The following SEMA3D variants were observed in gnomAD, a reference collection of about 807,000 sequenced individuals.
SEMA3D encodes semaphorin 3D.
In SEMA3D, 84 loss-of-function variants were observed where a neutral mutation model predicts 100.1. That is an observed-to-expected ratio of 0.84 (90% CI 0.70 to 1.01). The LOEUF (loss-of-function observed/expected upper bound fraction) is 1.01, where lower values mean the gene tolerates loss of function less well. SEMA3D is among the 50% of genes least tolerant of loss of function. The pLI, the probability that SEMA3D is intolerant of heterozygous loss-of-function variation, is 0.00. For synonymous variants in SEMA3D, 312 were observed against 320.7 expected (o/e 0.97, Z 0.29); for missense variants, 875 against 934.1 (o/e 0.94, Z 0.82).
chr7:85,195,122 G>A, the SEMA3D span, among the ~76,000 whole-genome samples: 55 of 152,204 alleles, frequency 3.6e-4, no homozygotes, highest in East Asian at 6.4e-3. Flanking sequence ...TGAATACAAA[G>A]CCGCCTGCTA....
intron 8 of SEMA3D, among the ~76,000 whole-genome samples, chr7:85,057,311 A>C (rs1448622854): frequency 6.6e-6 from 1 of 152,176 alleles, no homozygotes; most frequent in Non-Finnish European, 1.5e-5. Context: ...ACCAGTTCAG[A>C]AATAATTGGA....
chr7:85,042,128 G>A lies in SEMA3D; in HGVS notation c.976+43C>T, dbSNP rs375698372. ...AAATAAATGCCAAGTTACTTAATTA[G>A]GCAGTAAGGCCTTTCCAAGAAAGAA... On this transcript the variant is annotated intron_variant, in intron 10 of 18. Transcript: ENST00000284136. The A allele has an allele frequency of 5.0e-5, 64 of 1,284,360 alleles. No individual in the cohort carries two copies. The African/African-American group carries it at 8.2e-4, about 16-fold the overall frequency. The allele number at this position is 1,284,360 out of a possible 1,614,324, so 79.6% of individuals were successfully genotyped here. A position where few individuals can be genotyped will look rare whatever the true frequency, so the allele number is the denominator to read the frequency against.
intron 2 of SEMA3D, chr7:85,141,521 A>G: frequency 2.0e-6 from 2 of 984,980 alleles, no homozygotes; most frequent in Non-Finnish European, 2.4e-6. Context: ...ACTGCCCTAC[A>G]TGAATGACCA....
At chr7:85,225,693 G>C in the SEMA3D span, among the ~76,000 whole-genome samples, 1 of 152,044 alleles carries the variant, frequency 6.6e-6, no homozygotes, top group East Asian at 1.9e-4. Context: ...ACGCCCACTG[G>C]GGCTTTAGCT....
the SEMA3D span, among the ~76,000 whole-genome samples, chr7:85,194,710 G>A: frequency 1.3e-5 from 2 of 152,118 alleles, no homozygotes; most frequent in African/African-American, 2.4e-5. Flanking sequence ...CTAACACAGA[G>A]CAGGTAGCTT....
rs116021180 is a variant in SEMA3D at position 85,105,383 on chromosome 7, T to G, written c.152-7418A>C. Among the ~76,000 whole-genome samples the G allele has an allele frequency of 3.7e-3, 567 of 152,134 alleles. 4 individuals are homozygous for G. Among genetic ancestry groups the G allele is most frequent in the African/African-American group, 0.013 (556 of 41,530 alleles). ...TTGGGAAAATTAGCTCATCTTAACT[T>G]GGCATCAGCTGACCTCCAATATGCT... On this transcript the variant is annotated intron_variant, in intron 3 of 18. Transcript: ENST00000284136.
At chr7:85,207,582 G>A in the SEMA3D span, among the ~76,000 whole-genome samples, 1 of 151,914 alleles carries the variant, frequency 6.6e-6, no homozygotes, top group African/African-American at 2.4e-5. Flanking sequence ...GTTAAGACCT[G>A]GGTGAAAATT....
At chr7:85,029,966 C>A (rs1790500024) in intron 12 of SEMA3D, among the ~76,000 whole-genome samples, 1 of 151,854 alleles carries the variant, frequency 6.6e-6, no homozygotes, top group South Asian at 2.1e-4. Context: ...AAACTAACCA[C>A]AACCTCCACC....
At chr7:85,050,700 T>C (rs1224278317) in intron 9 of SEMA3D, 2 of 501,330 alleles carry the variant, frequency 4.0e-6, no homozygotes, top group Non-Finnish European at 7.1e-6. Context: ...CAGCTCCAAA[T>C]TACTTTGACT....
chr7:85,062,748 T>G (rs1449616653), intron 8 of SEMA3D, among the ~76,000 whole-genome samples: 1 of 152,200 alleles, frequency 6.6e-6, no homozygotes, highest in Non-Finnish European at 1.5e-5. Context: ...CTTTTTTCTT[T>G]TAATCTAGAA....
chr7:85,088,950 A>T (rs973020986), intron 4 of SEMA3D, among the ~76,000 whole-genome samples: 1 of 152,126 alleles, frequency 6.6e-6, no homozygotes, highest in Non-Finnish European at 1.5e-5. Context: ...TCCACGAATC[A>T]TCTCTGTCTT....
At chr7:85,127,747 A>G (rs933198077) in intron 2 of SEMA3D, among the ~76,000 whole-genome samples, 1 of 152,154 alleles carries the variant, frequency 6.6e-6, no homozygotes, top group African/African-American at 2.4e-5. Flanking sequence ...ATCAATTTGA[A>G]GGGTCAGAGA....
intron 3 of SEMA3D, among the ~76,000 whole-genome samples, chr7:85,117,808 GTATC>G (rs1333801653): frequency 0.039 from 4,660 of 120,566 alleles, 225 homozygotes; most frequent in African/African-American, 0.14. Context: ...ATGTATGTAT[GTATC>G]TATCTACCAT....
rs755329519 is a variant in SEMA3D at position 85,081,561 on chromosome 7, T to C, written c.331A>G (p.Lys111Glu). 1 of 1,612,018 alleles carries C rather than the reference T, an allele frequency of 6.2e-7. No individual in the cohort carries two copies. Reference protein sequence around the residue: ...NFKKIYWPAAKERVELCKLAG... With the variant: ...NFKKIYWPAAEERVELCKLAG... The stretch of plus-strand genomic sequence containing the variant: ...AATTTACATAATTCCACCCGTTCCT[T>C]TGCAGCAGGCCAATAAATCTGCAAA... The change falls in exon 5 of 19, where the codon AAG becomes GAG. Residue 111 changes from lysine (K) to glutamate (E), a missense_variant. By Grantham distance (56) the Lys-to-Glu change is moderately conservative. Coordinates refer to ENST00000284136, the MANE Select transcript of SEMA3D (RefSeq NM_001384900.1).
intron 4 of SEMA3D, among the ~76,000 whole-genome samples, chr7:85,093,199 T>C (rs1788448998): frequency 6.6e-6 from 1 of 152,026 alleles, no homozygotes; most frequent in Non-Finnish European, 1.5e-5. Context: ...CCTCTGTAAG[T>C]GTAGTATTCA....
the SEMA3D span, among the ~76,000 whole-genome samples, chr7:85,202,225 C>T: frequency 7.0e-5 from 8 of 113,992 alleles, no homozygotes; most frequent in Non-Finnish European, 1.3e-4. Context: ...CACCCCACAA[C>T]AGTCCGCAGA....
chr7:85,241,735 G>A, the SEMA3D span, among the ~76,000 whole-genome samples: 2 of 151,332 alleles, frequency 1.3e-5, no homozygotes, highest in African/African-American at 2.4e-5. Context: ...TAATGTTCAG[G>A]TGATGGGTGC....
At chr7:85,039,230 C>T (rs1790786432) in intron 11 of SEMA3D, among the ~76,000 whole-genome samples, 1 of 152,072 alleles carries the variant, frequency 6.6e-6, no homozygotes, top group African/African-American at 2.4e-5. Flanking sequence ...GTGGGGCCCC[C>T]ATATTCTTTG....
intron 2 of SEMA3D, chr7:85,140,982 CA>C: frequency 1.6e-6 from 1 of 636,508 alleles, no homozygotes; most frequent in Non-Finnish European, 2.0e-6. Flanking sequence ...ATGTATTTTA[CA>C]ACAATGAGAT....
Sources: allele counts gnomAD v4.1 joint callset (sites outside exome capture counted in the v4.1 genomes callset), GRCh38; gene constraint gnomAD v4.1.1; transcripts MANE v1.5; gene names NCBI Gene and HGNC (gene_info 2026-07-23, HGNC 2026-07-21).